Variants in SMARCA2 observed in about 807,000 individuals in gnomAD.
SMARCA2 encodes SWI/SNF related BAF chromatin remodeling complex subunit ATPase 2, also known as SWI/SNF-related matrix-associated actin-dependent regulator of chromatin subfamily A member 2.
SMARCA2 carries 61 observed loss-of-function variants against 199.8 expected under a neutral mutation model. The ratio of observed to expected loss-of-function variants is 0.31; its 90% CI spans 0.25 to 0.38. The LOEUF is 0.38. SMARCA2 is among the 10% of genes least tolerant of loss of function. The probability of loss-of-function intolerance (pLI) is 1.00; values close to 1 mark genes in which losing one functional copy is unlikely to be tolerated. For missense variants in SMARCA2, 1,344 were observed against 2,012.2 expected, an observed-to-expected ratio of 0.67 and a Z score of 6.35; for synonymous variants, 935 against 732.0, an observed-to-expected ratio of 1.28 and a Z score of -4.48.
At chr9:2,129,116 G>T (rs189648915) in intron 27 of SMARCA2, among the ~76,000 whole-genome samples, 2 of 152,302 alleles carry the variant, frequency 1.3e-5, no homozygotes, top group African/African-American at 4.8e-5. Flanking sequence ...TGATTATGAA[G>T]TATACAAATC....
chr9:2,116,423 T>C (rs1158907752), intron 25 of SMARCA2, among the ~76,000 whole-genome samples: 2 of 152,080 alleles, frequency 1.3e-5, no homozygotes, highest in Non-Finnish European at 1.5e-5. Context: ...GTCCTCTTTC[T>C]CTCATCCTCC....
At chr9:2,149,600 G>T (rs1280751937) in intron 27 of SMARCA2, among the ~76,000 whole-genome samples, 1 of 151,554 alleles carries the variant, frequency 6.6e-6, no homozygotes, top group Non-Finnish European at 1.5e-5. Context: ...AACAGTGTGA[G>T]GGAAACCGCT....
At chr9:2,096,915 A>G in intron 20 of SMARCA2, 151 bp downstream of exon 20, 1 of 632,684 alleles carries the variant, frequency 1.6e-6, no homozygotes, top group Non-Finnish European at 2.9e-6. Flanking sequence ...TGCCAAAGAT[A>G]ATCTCTTCAC....
At chr9:2,184,658 A>G (rs906889055) in intron 31 of SMARCA2, among the ~76,000 whole-genome samples, 1 of 152,004 alleles carries the variant, frequency 6.6e-6, no homozygotes, top group African/African-American at 2.4e-5. Flanking sequence ...GGCCCAAGAC[A>G]ATATCTTAAG....
intron 19 of SMARCA2, among the ~76,000 whole-genome samples, chr9:2,094,757 G>A (rs1055995916): frequency 6.6e-6 from 1 of 152,178 alleles, no homozygotes; most frequent in African/African-American, 2.4e-5. Flanking sequence ...GCTCTTTTGT[G>A]TGTTAAATGA....
intron 4 of SMARCA2, chr9:2,042,163 A>G (rs548138553): frequency 1.4e-4 from 22 of 152,316 alleles, no homozygotes; most frequent in African/African-American, 5.1e-4. Context: ...TTACTCTGAG[A>G]CACAATATCA....
intron 20 of SMARCA2, 184 bp from the exon 21 acceptor site, chr9:2,097,201 G>C (rs1822309070): frequency 1.9e-6 from 1 of 536,606 alleles, no homozygotes; most frequent in East Asian, 3.0e-5. Flanking sequence ...TTAATCACAA[G>C]AAAGACATTA....
At chr9:2,144,755 C>G (rs1824641928) in intron 27 of SMARCA2, among the ~76,000 whole-genome samples, 1 of 152,148 alleles carries the variant, frequency 6.6e-6, no homozygotes, top group Admixed American at 6.5e-5. Context: ...GTGAAGTTCT[C>G]TAGCAGCGAG....
At chr9:2,145,157 G>A (rs770157203) in intron 27 of SMARCA2, among the ~76,000 whole-genome samples, 25 of 152,016 alleles carry the variant, frequency 1.6e-4, no homozygotes, top group Non-Finnish European at 2.6e-4. Flanking sequence ...AAATTAGCCG[G>A]GCATGGTGGT....
chr9:2,192,550 C>A (rs1342637218), intron 33 of SMARCA2, 154 bp from the exon 34 acceptor site: 2 of 700,662 alleles, frequency 2.9e-6, no homozygotes, highest in Non-Finnish European at 5.2e-6. Flanking sequence ...GTCGATGCCT[C>A]TTTAATGTGT....
In SMARCA2 at chr9:2,161,855, C is replaced by T. The variant is rs1369538932; in HGVS notation, c.4151C>T (p.Thr1384Ile). ...CTGTCACCAAATCCCCCCAAACTGA[C>T]AAAGCAGATGAACGCTATCATCGAT... The part of the protein sequence containing the change: ...EKLSPNPPKL[T>I]KQMNAIIDTV... Residue 1384 changes from threonine to isoleucine, a missense_variant, in exon 28 of 34, where the codon ACA (threonine) becomes ATA (isoleucine). Coordinates refer to ENST00000349721, the MANE Select transcript of SMARCA2 (RefSeq NM_003070.5). This position sits in a 1 kb window ranked among gnomAD's most constrained non-coding sequence, Gnocchi z 4.7. 4 of 1,614,010 alleles carry T rather than the reference C, an allele frequency of 2.5e-6. No individual in the cohort carries two copies. The East Asian group carries it at 8.9e-5, about 36-fold the overall frequency.
At chr9:2,044,086 AG>A (rs1819728660) in intron 4 of SMARCA2, 1 of 152,298 alleles carries the variant, frequency 6.6e-6, no homozygotes, top group Non-Finnish European at 1.5e-5. Flanking sequence ...AAAGCCAGCC[AG>A]GCAAACGAAC....
intron 2 of SMARCA2, among the ~76,000 whole-genome samples, chr9:2,029,493 G>C (rs1003806155): frequency 6.6e-6 from 1 of 152,216 alleles, no homozygotes; most frequent in African/African-American, 2.4e-5. Context: ...GTTCTGATAA[G>C]TAGATCCTGT....
At chr9:2,149,822 T>C (rs887677396) in intron 27 of SMARCA2, among the ~76,000 whole-genome samples, 1 of 151,626 alleles carries the variant, frequency 6.6e-6, no homozygotes, top group African/African-American at 2.4e-5. Context: ...AGCTCTTAGC[T>C]AACCAAAACT....
intron 26 of SMARCA2, among the ~76,000 whole-genome samples, chr9:2,120,538 A>C (rs1482076687): frequency 6.6e-6 from 1 of 152,178 alleles, no homozygotes; most frequent in Admixed American, 6.5e-5. Context: ...ACAAAACACA[A>C]CTGTGGGCCA....
chr9:2,123,761 A>C lies in SMARCA2; in HGVS notation c.3805A>C (p.Lys1269Gln). ...GCGGAGGGAAGATGCCCGGAACCCG[A>C]AACGGAAGCCCCGTTTAATGGAGGA... ...DRRREDARNP[K>Q]RKPRLMEEDE... Residue 1269 changes from lysine to glutamine, a missense_variant, in exon 27 of 34, where the codon AAA becomes CAA. Lys to Gln is a moderately conservative substitution (Grantham distance 53). Coordinates refer to ENST00000349721, the MANE Select transcript of SMARCA2 (RefSeq NM_003070.5). This position sits in a 1 kb window ranked among gnomAD's most constrained non-coding sequence, Gnocchi z 4.1. The C allele has an allele frequency of 6.2e-7, 1 of 1,614,136 alleles. No individual in the cohort carries two copies. The highest frequency in any genetic ancestry group is 8.5e-7 in the Non-Finnish European group (1 of 1,180,012).
intron 32 of SMARCA2, 144 bp from the exon 33 acceptor site, chr9:2,191,122 C>G (rs1036844529): frequency 9.1e-6 from 7 of 767,682 alleles, no homozygotes; most frequent in Non-Finnish European, 1.5e-5. Flanking sequence ...CTAGACAGAA[C>G]CACACAGAAC....
intron 23 of SMARCA2, among the ~76,000 whole-genome samples, chr9:2,109,384 A>T (rs1036991029): frequency 6.6e-6 from 1 of 151,972 alleles, no homozygotes; most frequent in African/African-American, 2.4e-5. Context: ...CTGGGTAAAT[A>T]CATTACACAT....
rs1818362951 is a variant in SMARCA2, at chr9:2,016,596, A to C, written c.-37+1192A>C. On this transcript the variant is annotated intron_variant, in intron 1 of 33. Transcript: ENST00000349721. The surrounding 1 kb of genome is among the most constrained non-coding windows in gnomAD (Gnocchi z 5.6). ...GGATAATCCTGTCTGCCTGACTGTC[A>C]CAAACAGGACCCGCGCACCACCGGG... Among the ~76,000 whole-genome samples, 1 of 150,688 alleles carries C rather than the reference A, an allele frequency of 6.6e-6. No individual in the cohort carries two copies. The highest frequency in any genetic ancestry group is 2.1e-4 in the South Asian group (1 of 4,760).
Sources: gnomAD v4.1 joint callset for allele counts (sites outside exome capture counted in the v4.1 genomes callset) on GRCh38, gnomAD v4.1.1 for gene constraint, Gnocchi (gnomAD v3.1) non-coding constraint, MANE v1.5 for transcripts, NCBI Gene and HGNC (gene_info 2026-07-23, HGNC 2026-07-21) for gene names.